BCL2L11: variants seen among roughly 807,000 people sequenced by gnomAD.
BCL2L11 encodes the protein BCL2 like 11.
A neutral mutation model predicts 20.6 loss-of-function variants in BCL2L11; 15 were observed. The observed-to-expected ratio is 0.73, with a 90% CI of 0.49 to 1.12. The LOEUF (loss-of-function observed/expected upper bound fraction) is 1.12, where lower values mean the gene tolerates loss of function less well. Ranked by LOEUF, BCL2L11 falls within the 50% of genes most tolerant of loss-of-function variation. BCL2L11 has a pLI of 0.00. For synonymous variants in BCL2L11, 108 were observed against 92.8 expected (o/e 1.16, Z -0.94); for missense variants, 292 against 260.9 (o/e 1.12, Z -0.82).
Position 111,164,339 on chromosome 2 carries a change from C to T in BCL2L11, c.*108C>T, listed in dbSNP as rs73954978. Reference sequence around the variant, plus strand: ...CCATTATTATGCAGCCAGCGGTTCTCTTGTGGAGGGGGCAGGTGACGTTTC... The same window carrying T: ...CCATTATTATGCAGCCAGCGGTTCTTTTGTGGAGGGGGCAGGTGACGTTTC... On this transcript the variant is annotated 3_prime_UTR_variant, in exon 4 of 4. Coordinates refer to ENST00000393256, the MANE Select transcript of BCL2L11 (RefSeq NM_138621.5). The T allele has an allele frequency of 1.8e-3, 1,461 of 815,998 alleles. 14 individuals are homozygous for T. The highest frequency in any genetic ancestry group is 0.014 in the African/African-American group (814 of 59,284). The allele number at this position is 815,998 out of a possible 1,614,324, so 50.5% of individuals were successfully genotyped here. A position where few individuals can be genotyped will look rare whatever the true frequency, so the allele number is the denominator to read the frequency against.
intron 2 of BCL2L11, among the ~76,000 whole-genome samples, chr2:111,129,076 G>C (rs1388456039): frequency 2.6e-5 from 4 of 152,234 alleles, no homozygotes; most frequent in African/African-American, 9.6e-5. Flanking sequence ...GTGATTAGCA[G>C]AATCTTGTAA....
At chr2:111,137,310 C>T (rs1188834367) in intron 2 of BCL2L11, among the ~76,000 whole-genome samples, 1 of 152,186 alleles carries the variant, frequency 6.6e-6, no homozygotes, top group Admixed American at 6.5e-5. Context: ...TATGAACCAC[C>T]ACCTCTCCCT....
At chr2:111,160,090 C>G (rs1242783311) in intron 3 of BCL2L11, among the ~76,000 whole-genome samples, 1 of 152,204 alleles carries the variant, frequency 6.6e-6, no homozygotes, top group African/African-American at 2.4e-5. Context: ...CTGAGATTAT[C>G]TTTACTGAAC....
intron 2 of BCL2L11, among the ~76,000 whole-genome samples, chr2:111,129,381 T>C (rs995669736): frequency 4.6e-5 from 7 of 152,240 alleles, no homozygotes; most frequent in African/African-American, 1.4e-4. Flanking sequence ...TATTTTTCTT[T>C]ACTAGTTCCA....
At chr2:111,148,945 T>C (rs1374861771) in intron 2 of BCL2L11, among the ~76,000 whole-genome samples, 2 of 152,244 alleles carry the variant, frequency 1.3e-5, no homozygotes, top group South Asian at 2.1e-4. Flanking sequence ...CAGGAAGTTA[T>C]GTTCCTTCGT....
intron 1 of BCL2L11, among the ~76,000 whole-genome samples, chr2:111,121,606 A>C (rs1270744673): frequency 1.3e-5 from 2 of 152,136 alleles, no homozygotes; most frequent in Admixed American, 1.3e-4. Flanking sequence ...GCGGCCGCGC[A>C]GTGTGAGGGT....
intron 1 of BCL2L11, chr2:111,123,056 C>A: frequency 1.0e-6 from 1 of 974,680 alleles, no homozygotes; most frequent in South Asian, 4.7e-5. Flanking sequence ...CCTCCGCCGC[C>A]CCCTCCCCAT....
At chr2:111,161,647 C>T (rs2078562792) in intron 3 of BCL2L11, 5 of 1,318,672 alleles carry the variant, frequency 3.8e-6, no homozygotes, top group Non-Finnish European at 5.0e-6. Context: ...TTGCCTTTAA[C>T]TGGCAACTCC....
At position 111,122,947 on chromosome 2, in the gene BCL2L11, C is replaced by T. The variant is rs911591600; in HGVS notation, c.-13-786C>T. ...ACGTGAGTTTCGGTGTGATTGCCTT[C>T]TGAGGGGAGGGTCTGTGGGATGAAG... On this transcript the variant is annotated intron_variant, in intron 1 of 3. Transcript: ENST00000393256. The T allele has an allele frequency of 5.1e-6, 5 of 985,454 alleles. 1 individual carries two copies. In the African/African-American group the frequency reaches 5.2e-5, roughly 10 times the overall value. The allele number at this position is 985,454 out of a possible 1,614,324, so 61.0% of individuals were successfully genotyped here. A position where few individuals can be genotyped will look rare whatever the true frequency, so the allele number is the denominator to read the frequency against.
At position 111,164,518 on chromosome 2, in the gene BCL2L11, G is replaced by A. The variant is rs2078930968; in HGVS notation, c.*287G>A. The A allele has an allele frequency of 3.5e-6, 1 of 286,580 alleles. No individual in the cohort carries two copies. Among genetic ancestry groups the A allele is most frequent in the Non-Finnish European group, 6.6e-6 (1 of 151,730 alleles). 17.8% of individuals were successfully genotyped at this position (286,580 alleles called of 1,614,324 possible). On this transcript the variant is annotated 3_prime_UTR_variant, in exon 4 of 4. Coordinates refer to ENST00000393256, the MANE Select transcript of BCL2L11 (RefSeq NM_138621.5). ...TGGAGCAGGATTTTGTGTAAGAATGGTGTTTACATGCAGTGTGTTTTCCCC... is the reference window on the plus strand; with the variant it reads ...TGGAGCAGGATTTTGTGTAAGAATGATGTTTACATGCAGTGTGTTTTCCCC...
intron 2 of BCL2L11, among the ~76,000 whole-genome samples, chr2:111,145,502 T>TA (rs947603097): frequency 4.0e-4 from 60 of 150,026 alleles, no homozygotes; most frequent in Admixed American, 2.2e-3. Context: ...TCTCTTTTTT[T>TA]AAAAAAAAAA....
chr2:111,157,611 G>T (rs1192270546), intron 3 of BCL2L11, among the ~76,000 whole-genome samples: 1 of 152,186 alleles, frequency 6.6e-6, no homozygotes, highest in Non-Finnish European at 1.5e-5. Flanking sequence ...ACCAGGTCTG[G>T]AGTCTGACAG....
chr2:111,151,444 TTCTC>T (rs2077246586), intron 3 of BCL2L11, among the ~76,000 whole-genome samples: 1 of 152,224 alleles, frequency 6.6e-6, no homozygotes, highest in African/African-American at 2.4e-5. Context: ...TTCTTACCCC[TTCTC>T]TTTTAGCTCT....
At chr2:111,158,356 G>A (rs1005605192) in intron 3 of BCL2L11, among the ~76,000 whole-genome samples, 3 of 152,044 alleles carry the variant, frequency 2.0e-5, no homozygotes, top group Admixed American at 6.6e-5. Context: ...TAAAGATGCC[G>A]TGACAGCCCC....
At chr2:111,151,471 C>T (rs940580342) in intron 3 of BCL2L11, among the ~76,000 whole-genome samples, 7 of 151,666 alleles carry the variant, frequency 4.6e-5, no homozygotes, top group African/African-American at 1.7e-4. Context: ...TTTTTCTGAA[C>T]GTTGTTGTTT....
intron 3 of BCL2L11, among the ~76,000 whole-genome samples, chr2:111,150,882 TTTTG>T (rs202134926): frequency 5.0e-4 from 68 of 134,800 alleles, no homozygotes; most frequent in Non-Finnish European, 7.1e-4. Context: ...CATGGGACAC[TTTTG>T]TTTGTTTGTT....
At position 111,121,202 on chromosome 2, in the gene BCL2L11, A is replaced by C; in HGVS notation, c.-14+14A>C. ...GAGAAACGCAAGGTAAATACCTCCA[A>C]ATCCCGGGGCGCGGGCCTGGCACCG... On this transcript the variant is annotated intron_variant, in intron 1 of 3. Transcript: ENST00000393256. 9.1e-6 allele frequency: 2 copies of C among 219,176 alleles called. No individual in the cohort carries two copies. Among genetic ancestry groups the C allele is most frequent in the Non-Finnish European group, 9.1e-6 (1 of 109,932 alleles). 13.6% of individuals were successfully genotyped at this position (219,176 alleles called of 1,614,324 possible).
chr2:111,142,763 A>G (rs2076015184), intron 2 of BCL2L11, among the ~76,000 whole-genome samples: 1 of 152,214 alleles, frequency 6.6e-6, no homozygotes. Context: ...TTTAAATTTC[A>G]TAGAGGAAGC....
intron 3 of BCL2L11, chr2:111,161,593 TCA>T (rs2150587618): frequency 2.0e-6 from 3 of 1,508,254 alleles, no homozygotes; most frequent in Middle Eastern, 3.7e-4. Flanking sequence ...GAGGAACCAC[TCA>T]CACTGCAAAT....
Sources: allele counts gnomAD v4.1 joint callset (sites outside exome capture counted in the v4.1 genomes callset), GRCh38; gene constraint gnomAD v4.1.1; transcripts MANE v1.5; gene names NCBI Gene and HGNC (gene_info 2026-07-23, HGNC 2026-07-21).